SCN11A: variants seen among roughly 807,000 people sequenced by gnomAD.
SCN11A encodes the protein sodium channel protein type 11 subunit alpha.
SCN11A carries 122 observed loss-of-function variants against 162.2 expected under a neutral mutation model. The observed-to-expected ratio is 0.75, with a 90% CI of 0.65 to 0.87. The LOEUF (loss-of-function observed/expected upper bound fraction) is 0.87, where lower values mean the gene tolerates loss of function less well. Ranked by LOEUF, SCN11A falls within the 40% of genes least tolerant of loss-of-function variation. The pLI, the probability that SCN11A is intolerant of heterozygous loss-of-function variation, is 0.00. For missense variants in SCN11A, 2,015 were observed against 2,181.6 expected (o/e 0.92, Z 1.52); for synonymous variants, 758 against 751.5 (o/e 1.01, Z -0.14).
chr3:38,922,726 T>C (rs2066074016), intron 9 of SCN11A, among the ~76,000 whole-genome samples: 2 of 152,114 alleles, frequency 1.3e-5, no homozygotes, highest in African/African-American at 4.8e-5. Flanking sequence ...GTATATAAAG[T>C]GTCCTCTGAC....
intron 4 of SCN11A, among the ~76,000 whole-genome samples, chr3:38,953,183 C>A (rs1185544555): frequency 1.3e-5 from 2 of 152,010 alleles, no homozygotes; most frequent in Admixed American, 1.3e-4. Context: ...CACATGTTCT[C>A]ACTTATAAGT....
rs190732012 is a variant in SCN11A at position 38,982,906 on chromosome 3, T to A, written c.-279-22483A>T. 8.5e-5 allele frequency among the ~76,000 whole-genome samples: 13 copies of A among 152,300 alleles called. No individual in the cohort carries two copies. The East Asian group carries it at 2.5e-3, about 29-fold the overall frequency. On this transcript the variant is annotated intron_variant, in intron 2 of 29. Coordinates refer to ENST00000302328, the MANE Select transcript of SCN11A (RefSeq NM_001349253.2). ...TGTTATTATAGCCATGAACACTTAC[T>A]GAAAGCTTACCCCATATGCCAGACA...
chr3:39,011,525 G>C lies in SCN11A; in HGVS notation c.-280+20855C>G, dbSNP rs138859555. Among the ~76,000 whole-genome samples the C allele has an allele frequency of 3.9e-3, 595 of 152,258 alleles. 5 individuals are homozygous for C. Among genetic ancestry groups the C allele is most frequent in the African/African-American group, 9.2e-3 (381 of 41,538 alleles). On this transcript the variant is annotated intron_variant, in intron 2 of 29. Transcript: ENST00000302328. Reference sequence around the variant, plus strand: ...TGCCAGCAGATGGCATTTTCCATTTGGTGGAGGTCCAGGTTTCTGAAAAAA... The same window carrying C: ...TGCCAGCAGATGGCATTTTCCATTTCGTGGAGGTCCAGGTTTCTGAAAAAA...
rs78169461 is a variant in SCN11A at position 39,017,527 on chromosome 3, G to C, written c.-280+14853C>G. Among the ~76,000 whole-genome samples the C allele has an allele frequency of 3.8e-3, 584 of 152,166 alleles. 5 individuals are homozygous for C. The highest frequency in any genetic ancestry group is 0.013 in the African/African-American group (557 of 41,524). ...TTGTTTTCTTTATGTTTCTGTACTT[G>C]AGTATTTTCTGAGGTTCTTGGATCT... is the stretch of plus-strand genomic sequence containing the variant. On this transcript the variant is annotated intron_variant, in intron 2 of 29. Transcript: ENST00000302328.
intron 26 of SCN11A, among the ~76,000 whole-genome samples, 177 bp downstream of exon 26, chr3:38,870,514 G>A (rs2065108096): frequency 6.6e-6 from 1 of 152,224 alleles, no homozygotes; most frequent in East Asian, 1.9e-4. Context: ...ACTCACTAGA[G>A]GATGCATAAG....
intron 1 of SCN11A, among the ~76,000 whole-genome samples, chr3:39,039,603 T>C (rs1190926333): frequency 6.6e-6 from 1 of 152,144 alleles, no homozygotes; most frequent in African/African-American, 2.4e-5. Flanking sequence ...AAAGCCCACA[T>C]AGCACTCTGT....
chr3:38,863,067 T>A (rs2064989337), intron 28 of SCN11A, 128 bp downstream of exon 28: 1 of 647,366 alleles, frequency 1.5e-6, no homozygotes, highest in Admixed American at 2.9e-5. Context: ...TTTGAATATG[T>A]CTTGACTTCT....
At chr3:39,023,663 GAC>G (rs1553651015) in intron 2 of SCN11A, among the ~76,000 whole-genome samples, 4 of 146,028 alleles carry the variant, frequency 2.7e-5, no homozygotes, top group East Asian at 2.0e-4. Context: ...TTTTTTTTGA[GAC>G]AGAGTCTTGC....
chr3:38,938,236 G>T (rs1225121115), intron 7 of SCN11A, among the ~76,000 whole-genome samples: 1 of 151,858 alleles, frequency 6.6e-6, no homozygotes, highest in African/African-American at 2.4e-5. Flanking sequence ...GTTGTGGGGT[G>T]GGCGGAGTGG....
rs141686175 is a variant in SCN11A, at chr3:38,872,215, A to G, written c.3473T>C (p.Leu1158Pro). 3.4e-4 allele frequency: 545 copies of G among 1,600,900 alleles called. No individual in the cohort carries two copies. Among genetic ancestry groups the G allele is most frequent in the Non-Finnish European group, 3.7e-4 (437 of 1,168,194 alleles). Residue 1158 changes from leucine (L) to proline (P), a missense_variant, in exon 24 of 30, where the codon CTG becomes CCG. Coordinates refer to ENST00000302328, the MANE Select transcript of SCN11A (RefSeq NM_001349253.2). ...TLRALRPLRA[L>P]SQFEGMKVVV... ...TACCTTCATTCCTTCAAACTGGGAC[A>G]GCGCACGAAGAGGCCTCAGTGCTCG...
rs1462272477 is a variant in SCN11A at position 38,907,949 on chromosome 3, C to A, written c.1473G>T (p.Lys491Asn). 6.3e-7 allele frequency: 1 copy of A among 1,597,742 alleles called. No homozygotes were observed. The highest frequency in any genetic ancestry group is 8.5e-7 in the Non-Finnish European group (1 of 1,175,708). The change falls in exon 14 of 30, where the codon AAG becomes AAT. Residue 491 changes from lysine (K) to asparagine (N), a missense_variant and splice_region_variant. Lys to Asn is a moderately conservative substitution (Grantham distance 94). Transcript: ENST00000302328. ...GSDSDEDCQKKPQLLEQTKRL... is the reference protein window; with the variant it reads ...GSDSDEDCQKNPQLLEQTKRL... ...CATTAATTCCCTGGAAAAGACTTACCTTTTTTTGGCAATCTTCATCAGAAT... is the reference window on the plus strand; with the variant it reads ...CATTAATTCCCTGGAAAAGACTTACATTTTTTTGGCAATCTTCATCAGAAT...
At position 39,032,523 on chromosome 3, in the gene SCN11A, C is replaced by CAA. The variant is rs113326573; in HGVS notation, c.-403-22_-403-21dup. Among the ~76,000 whole-genome samples the CAA allele has an allele frequency of 6.6e-5, 10 of 151,390 alleles. No individual in the cohort carries two copies. Among genetic ancestry groups the CAA allele is most frequent in the Non-Finnish European group, 1.2e-4 (8 of 67,856 alleles). Reference sequence around the variant, plus strand: ...GACAATCTGAAAACAACAACAACAACAAAAAAAACAAGCTTTATCATTTCA... The same window carrying CAA: ...GACAATCTGAAAACAACAACAACAACAAAAAAAAAACAAGCTTTATCATTTCA... On this transcript the variant is annotated intron_variant, in intron 1 of 29. Transcript: ENST00000302328.
intron 2 of SCN11A, among the ~76,000 whole-genome samples, chr3:39,001,526 T>C (rs768076897): frequency 2.6e-5 from 4 of 152,262 alleles, no homozygotes; most frequent in Admixed American, 6.5e-5. Flanking sequence ...CATTCATCAG[T>C]TGATGGACAT....
chr3:39,005,463 C>A (rs1476187236), intron 2 of SCN11A, among the ~76,000 whole-genome samples: 2 of 152,174 alleles, frequency 1.3e-5, no homozygotes, highest in Non-Finnish European at 2.9e-5. Flanking sequence ...CCTTTCCTAC[C>A]TCTGGCTTCG....
intron 7 of SCN11A, among the ~76,000 whole-genome samples, chr3:38,933,876 C>T (rs1018550158): frequency 6.6e-6 from 1 of 152,086 alleles, no homozygotes; most frequent in Admixed American, 6.6e-5. Context: ...ACAGAGAACG[C>T]CACAAAGATA....
chr3:38,853,187 C>A (rs929839268), intron 28 of SCN11A, among the ~76,000 whole-genome samples: 8 of 152,174 alleles, frequency 5.3e-5, no homozygotes, highest in Admixed American at 3.9e-4. Context: ...TTGAAATAAA[C>A]TGATAAATAT....
intron 7 of SCN11A, among the ~76,000 whole-genome samples, chr3:38,942,411 A>G (rs2066455745): frequency 6.6e-6 from 1 of 152,154 alleles, no homozygotes; most frequent in African/African-American, 2.4e-5. Flanking sequence ...CATTCTTTCC[A>G]AGTGCATGTG....
At chr3:39,005,049 C>T (rs756162711) in intron 2 of SCN11A, among the ~76,000 whole-genome samples, 1 of 152,198 alleles carries the variant, frequency 6.6e-6, no homozygotes, top group Non-Finnish European at 1.5e-5. Flanking sequence ...TTTGAGCAAG[C>T]AAGGGGTACG....
chr3:38,848,255 C>A (rs1049848408), intron 29 of SCN11A, among the ~76,000 whole-genome samples: 2 of 152,220 alleles, frequency 1.3e-5, no homozygotes, highest in Non-Finnish European at 2.9e-5. Flanking sequence ...TAAAATGTCG[C>A]CCTGCCTGCT....
Sources: allele counts gnomAD v4.1 joint callset (sites outside exome capture counted in the v4.1 genomes callset), GRCh38; gene constraint gnomAD v4.1.1; transcripts MANE v1.5; gene names NCBI Gene and HGNC (gene_info 2026-07-23, HGNC 2026-07-21).